The following TERT variants were observed in gnomAD, a reference collection of about 807,000 sequenced individuals.
TERT encodes the protein telomerase reverse transcriptase.
TERT carries 42 observed loss-of-function variants against 104.0 expected under a neutral mutation model. The observed-to-expected ratio is 0.40, with a 90% CI of 0.32 to 0.52. TERT has a LOEUF of 0.52. Ranked by LOEUF, TERT falls within the 20% of genes least tolerant of loss-of-function variation. TERT has a pLI of 0.43. For missense variants in TERT, 1,101 were observed against 1,610.3 expected (o/e 0.68, Z 5.41); for synonymous variants, 781 against 725.6 (o/e 1.08, Z -1.23).
intron 14 of TERT, 92 bp from the exon 15 acceptor site, chr5:1,254,597 G>C: frequency 6.8e-7 from 1 of 1,474,520 alleles, no homozygotes; most frequent in Non-Finnish European, 9.2e-7. Flanking sequence ...ACGGTCTGCG[G>C]GGTGGCTCCA....
rs1747804399 is a variant in TERT at position 1,257,145 on chromosome 5, G to C, written c.3032+1453C>G. ...CTACCCAATCAAGCGACTACCCAAG[G>C]GTCCCCACATGGGTGGGGAAACTCA... On this transcript the variant is annotated intron_variant, in intron 13 of 15. Transcript: ENST00000310581. The surrounding 1 kb of genome is among the most constrained non-coding windows in gnomAD (Gnocchi z 5.6). Among the ~76,000 whole-genome samples the C allele has an allele frequency of 6.6e-6, 1 of 152,148 alleles. No homozygotes were observed. The highest frequency in any genetic ancestry group is 1.5e-5 in the Non-Finnish European group (1 of 68,020).
At chr5:1,254,621 C>G (rs572022689) in intron 14 of TERT, 116 bp from the exon 15 acceptor site, 2 of 1,248,430 alleles carry the variant, frequency 1.6e-6, no homozygotes, top group Non-Finnish European at 2.2e-6. Context: ...CTGGCTGTCC[C>G]GACCCAAGCA....
At chr5:1,280,651 C>A (rs931300221) in intron 3 of TERT, among the ~76,000 whole-genome samples, 1 of 152,208 alleles carries the variant, frequency 6.6e-6, no homozygotes, top group Non-Finnish European at 1.5e-5. Context: ...TCTGGGGCCA[C>A]GTGAACCCAT....
At position 1,294,090 on chromosome 5, in the gene TERT, T is replaced by G; in HGVS notation, c.796A>C (p.Ser266Arg). 2 of 1,590,168 alleles carry G rather than the reference T, an allele frequency of 1.3e-6. No homozygotes were observed. Among genetic ancestry groups the G allele is most frequent in the Non-Finnish European group, 1.7e-6 (2 of 1,170,780 alleles). ...WAHPGRTRGP[S>R]DRGFCVVSPA... Reference sequence around the variant, plus strand: ...GACACCACACAGAAACCACGGTCACTCGGTCCACGCGTCCTGCCCGGGTGG... The same window carrying G: ...GACACCACACAGAAACCACGGTCACGCGGTCCACGCGTCCTGCCCGGGTGG... The change falls in exon 2 of 16, where the codon AGT (serine) becomes CGT (arginine). Residue 266 changes from serine to arginine, a missense_variant. Ser to Arg is a moderately radical substitution (Grantham distance 110). Around this residue, in one of 5 missense-constraint regions of TERT, gnomAD observed 504 missense variants for 544.6 expected, o/e 0.93. Transcript: ENST00000310581.
Position 1,265,258 on chromosome 5 carries a change from G to A in TERT, c.2655-666C>T, listed in dbSNP as rs2736113. On this transcript the variant is annotated intron_variant, in intron 10 of 15. Transcript: ENST00000310581. This position sits in a 1 kb window ranked among gnomAD's most constrained non-coding sequence, Gnocchi z 6.9. Reference sequence around the variant, plus strand: ...CTTCCCTTCCTGCGGCCTCTGCTGTGGCCCCGGGCGTCCCCCTGCCCTTCC... The same window carrying A: ...CTTCCCTTCCTGCGGCCTCTGCTGTAGCCCCGGGCGTCCCCCTGCCCTTCC... Among the ~76,000 whole-genome samples, 35,400 of 152,014 alleles carry A rather than the reference G, an allele frequency of 0.23. 4,274 individuals are homozygous for A. The highest frequency in any genetic ancestry group is 0.26 in the Non-Finnish European group (17,971 of 67,964).
chr5:1,293,165 C>G, intron 2 of TERT, 148 bp downstream of exon 2: 1 of 843,602 alleles, frequency 1.2e-6, no homozygotes, highest in Non-Finnish European at 1.9e-6. Flanking sequence ...CAGAGATCAC[C>G]GTGTCCACTC....
intron 3 of TERT, among the ~76,000 whole-genome samples, chr5:1,280,735 C>A (rs950223822): frequency 9.2e-5 from 14 of 152,092 alleles, no homozygotes; most frequent in Admixed American, 3.3e-4. Flanking sequence ...AGGCAGGACC[C>A]CCAGGTAGAA....
In TERT at chr5:1,272,167, G is replaced by A. The variant is rs776965040; in HGVS notation, c.2382+18C>T. 8 of 1,594,944 alleles carry A rather than the reference G, an allele frequency of 5.0e-6. No individual in the cohort carries two copies. The highest frequency in any genetic ancestry group is 2.3e-5 in the East Asian group (1 of 43,776). ...CTGCTGGGAGTCCGTGCCCAACCCT[G>A]CAGGGCAGTGCCCAGACCTGCTCGA... On this transcript the variant is annotated intron_variant, in intron 7 of 15. Transcript: ENST00000310581.
intron 2 of TERT, 42 bp downstream of exon 2, chr5:1,293,271 C>T: frequency 1.2e-6 from 2 of 1,609,016 alleles, no homozygotes; most frequent in Non-Finnish European, 8.5e-7. Flanking sequence ...CTACTGCATT[C>T]AGCTCTGGGG....
intron 2 of TERT, among the ~76,000 whole-genome samples, chr5:1,284,299 C>T (rs1320468217): frequency 2.1e-5 from 2 of 95,428 alleles, no homozygotes; most frequent in Non-Finnish European, 4.2e-5. Context: ...AGACGCCGCA[C>T]ATCCAGCTCA....
In TERT at chr5:1,262,526, G is replaced by A. The variant is rs1346325175; in HGVS notation, c.2843+1878C>T. Among the ~76,000 whole-genome samples the A allele has an allele frequency of 6.6e-6, 1 of 152,194 alleles. No homozygotes were observed. The highest frequency in any genetic ancestry group is 1.5e-5 in the Non-Finnish European group (1 of 68,044). ...CTCTGCTGTATACTTCAGACACAGA[G>A]GATGTGAGTTCACCCTGAGTATGGC... On this transcript the variant is annotated intron_variant, in intron 11 of 15. Coordinates refer to ENST00000310581, the MANE Select transcript of TERT (RefSeq NM_198253.3). This position sits in a 1 kb window ranked among gnomAD's most constrained non-coding sequence, Gnocchi z 5.6.
chr5:1,278,931 C>A, intron 5 of TERT, 135 bp from the exon 6 acceptor site: 8 of 1,254,020 alleles, frequency 6.4e-6, no homozygotes, highest in Non-Finnish European at 9.1e-6. Flanking sequence ...AAGGGCAGGG[C>A]GGGCTGTGTC....
At chr5:1,272,627 GCCATCCACAGTCACCACAC>G (rs1749157312) in intron 6 of TERT, among the ~76,000 whole-genome samples, 11 of 31,684 alleles carry the variant, frequency 3.5e-4, no homozygotes, top group African/African-American at 1.2e-3. Context: ...CCCCACGACC[GCCATCCACAGTCACCACAC>G]ATCAGACCCC....
At chr5:1,272,331 G>C (rs1749107588) in intron 6 of TERT, 51 bp from the exon 7 acceptor site, 1 of 1,475,342 alleles carries the variant, frequency 6.8e-7, no homozygotes. Flanking sequence ...GCCCCGGCCA[G>C]AGCTGGGCAC....
chr5:1,253,470 A>C lies in TERT; in HGVS notation c.*258T>G, dbSNP rs1204658079. On this transcript the variant is annotated 3_prime_UTR_variant, in exon 16 of 16. Coordinates refer to ENST00000310581, the MANE Select transcript of TERT (RefSeq NM_198253.3). ...TGAGGAAAAGCTGGCCCTGGGGTGG[A>C]GCCGAGCGCCAGCCTGTGGGGAAGT... The C allele has an allele frequency of 3.5e-6, 2 of 578,360 alleles. No homozygotes were observed. The highest frequency in any genetic ancestry group is 3.7e-5 in the African/African-American group (2 of 53,460). 35.8% of individuals were successfully genotyped at this position (578,360 alleles called of 1,614,324 possible). A position where few individuals can be genotyped will look rare whatever the true frequency, so the allele number is the denominator to read the frequency against.
At chr5:1,266,111 T>C (rs2853684) in intron 10 of TERT, among the ~76,000 whole-genome samples, 46,679 of 151,622 alleles carry the variant, frequency 0.31, 8,430 homozygotes, top group African/African-American at 0.5. Context: ...GCCTCGGCCC[T>C]GCAGGCCCTG....
rs367668700 is a variant in TERT, at chr5:1,293,854, G to C, written c.1032C>G (p.Ser344=). ...TGGGCCTCAGAGAGCTGAGTAGGAA[G>C]GAGGGCCGCAGCTGCTCCTTGTCGC... ...SSGDKEQLRP[S]FLLSSLRPSL... Residue 344 remains serine (S), a synonymous_variant, in exon 2 of 16, where the codon TCC becomes TCG. Coordinates refer to ENST00000310581, the MANE Select transcript of TERT (RefSeq NM_198253.3). 3.2e-6 allele frequency: 5 copies of C among 1,547,052 alleles called. No homozygotes were observed. The highest frequency in any genetic ancestry group is 4.4e-6 in the Non-Finnish European group (5 of 1,147,020).
chr5:1,253,792 A>G lies in TERT; in HGVS notation c.3335T>C (p.Leu1112Pro). ...GTTGGCTGCGGCCTCCAGGGCAGTC[A>G]GCGTCGTCCCCGGGAGCTTCCGACT... is the stretch of plus-strand genomic sequence containing the variant. Reference protein sequence around the residue: ...QLSRKLPGTTLTALEAAANPA... With the variant: ...QLSRKLPGTTPTALEAAANPA... Residue 1112 changes from leucine to proline, a missense_variant, in exon 16 of 16, where the codon CTG becomes CCG. Leu to Pro is a moderately conservative substitution (Grantham distance 98, BLOSUM62 -3). Transcript: ENST00000310581. 1 of 1,612,092 alleles carries G rather than the reference A, an allele frequency of 6.2e-7. No homozygotes were observed.
At position 1,268,691 on chromosome 5, in the gene TERT, C is replaced by T. The variant is rs1245934614; in HGVS notation, c.2469-58G>A. On this transcript the variant is annotated intron_variant, in intron 8 of 15. Coordinates refer to ENST00000310581, the MANE Select transcript of TERT (RefSeq NM_198253.3). This position sits in a 1 kb window ranked among gnomAD's most constrained non-coding sequence, Gnocchi z 5.5. ...AGGGCATGTGCTGGACATGCGTACA[C>T]TCAAACCGAGCCACACACAGACACA... 8.1e-7 allele frequency: 1 copy of T among 1,234,410 alleles called. No homozygotes were observed. The highest frequency in any genetic ancestry group is 2.4e-5 in the East Asian group (1 of 41,784). 76.5% of individuals were successfully genotyped at this position (1,234,410 alleles called of 1,614,324 possible).
Sources: gnomAD v4.1 joint callset for allele counts (sites outside exome capture counted in the v4.1 genomes callset) on GRCh38, gnomAD v4.1.1 for gene constraint, gnomAD v4.1.1 regional missense constraint, Gnocchi (gnomAD v3.1) non-coding constraint, MANE v1.5 for transcripts, NCBI Gene and HGNC (gene_info 2026-07-23, HGNC 2026-07-21) for gene names.